GRK5: variants seen among roughly 807,000 people sequenced by gnomAD.
GRK5 encodes G protein-coupled receptor kinase 5.
Under a neutral mutation model 78.4 loss-of-function variants are expected in GRK5, and 40 were observed. The observed-to-expected ratio is 0.51, with a 90% CI of 0.40 to 0.66. The LOEUF (loss-of-function observed/expected upper bound fraction) is 0.66, where lower values mean the gene tolerates loss of function less well. Among genes scored for constraint, GRK5 ranks in the 30% least tolerant of loss-of-function variants. The probability of loss-of-function intolerance (pLI) is 0.00; values close to 1 mark genes in which losing one functional copy is unlikely to be tolerated. For missense variants in GRK5, 598 were observed against 759.9 expected (o/e 0.79, Z 2.50); for synonymous variants, 289 against 296.8 (o/e 0.97, Z 0.27).
intron 1 of GRK5, among the ~76,000 whole-genome samples, chr10:119,261,919 A>AGGGAGAGGGAGACCATG (rs1476761745): frequency 1.3e-4 from 15 of 111,796 alleles, no homozygotes; most frequent in African/African-American, 2.3e-4. Context: ...CCATGGGGAG[A>AGGGAGAGGGAGACCATG]GGGAGAGGGA....
chr10:119,332,067 A>G (rs1850789612), intron 2 of GRK5, among the ~76,000 whole-genome samples: 1 of 151,750 alleles, frequency 6.6e-6, no homozygotes, highest in African/African-American at 2.4e-5. Context: ...TTAATACTTT[A>G]TAAGGTCTAA....
intron 1 of GRK5, among the ~76,000 whole-genome samples, chr10:119,291,651 C>T (rs1849962714): frequency 2.0e-5 from 3 of 147,866 alleles, no homozygotes; most frequent in Admixed American, 6.7e-5. Context: ...CTTCCTCCTC[C>T]TCTTCCTCCT....
Position 119,444,137 on chromosome 10 carries a change from C to T in GRK5, c.1266+385C>T, listed in dbSNP as rs560255910. Among the ~76,000 whole-genome samples, 150 of 152,218 alleles carry T rather than the reference C, an allele frequency of 9.9e-4. 1 individual carries two copies. In the Middle Eastern group the frequency reaches 0.01, roughly 10 times the overall value. On this transcript the variant is annotated intron_variant, in intron 12 of 15. Coordinates refer to ENST00000392870, the MANE Select transcript of GRK5 (RefSeq NM_005308.3). ...GGCCCCTGCCCGTGGGCCTCCTGCTCCCTCCACCTCTGGATCCTAAGGTGT... is the reference window on the plus strand; with the variant it reads ...GGCCCCTGCCCGTGGGCCTCCTGCTTCCTCCACCTCTGGATCCTAAGGTGT...
chr10:119,449,113 C>T (rs1853220558), intron 13 of GRK5, among the ~76,000 whole-genome samples: 2 of 152,262 alleles, frequency 1.3e-5, no homozygotes, highest in South Asian at 4.1e-4. Flanking sequence ...CGAATGACTG[C>T]ATCTCCAGAG....
At position 119,217,232 on chromosome 10, in the gene GRK5, G is replaced by A. The variant is rs1848589281; in HGVS notation, c.52+9263G>A. Among the ~76,000 whole-genome samples the A allele has an allele frequency of 6.6e-6, 1 of 152,188 alleles. No homozygotes were observed. Among genetic ancestry groups the A allele is most frequent in the Non-Finnish European group, 1.5e-5 (1 of 68,024 alleles). ...GGGGCAAATTGGGAATATAATTTCT[G>A]TCTCAGACCGTGATTTCAGCTGAGG... On this transcript the variant is annotated intron_variant, in intron 1 of 15. Coordinates refer to ENST00000392870, the MANE Select transcript of GRK5 (RefSeq NM_005308.3). This position sits in a 1 kb window ranked among gnomAD's most constrained non-coding sequence, Gnocchi z 4.1.
intron 6 of GRK5, among the ~76,000 whole-genome samples, chr10:119,425,593 G>A (rs1852662763): frequency 6.6e-6 from 1 of 152,240 alleles, no homozygotes; most frequent in Admixed American, 6.5e-5. Context: ...CGTGAGTGCT[G>A]TTAAGCTGCT....
At chr10:119,270,395 C>A (rs945928921) in intron 1 of GRK5, among the ~76,000 whole-genome samples, 5 of 152,218 alleles carry the variant, frequency 3.3e-5, no homozygotes, top group Non-Finnish European at 7.3e-5. Context: ...CTAAACAATA[C>A]GTTATAGCAA....
At chr10:119,401,226 C>T (rs986400632) in intron 4 of GRK5, among the ~76,000 whole-genome samples, 2 of 152,204 alleles carry the variant, frequency 1.3e-5, no homozygotes, top group African/African-American at 2.4e-5. Flanking sequence ...GGATAGAAAG[C>T]CCCTGCCTAA....
chr10:119,311,003 A>C (rs1402744108), intron 1 of GRK5, among the ~76,000 whole-genome samples: 2 of 152,128 alleles, frequency 1.3e-5, no homozygotes, highest in Non-Finnish European at 2.9e-5. Context: ...AGACAGAGTG[A>C]GATGGGAAGA....
At position 119,267,512 on chromosome 10, in the gene GRK5, G is replaced by A. The variant is rs1157587255; in HGVS notation, c.53-59004G>A. On this transcript the variant is annotated intron_variant, in intron 1 of 15. Coordinates refer to ENST00000392870, the MANE Select transcript of GRK5 (RefSeq NM_005308.3). The surrounding 1 kb of genome is among the most constrained non-coding windows in gnomAD (Gnocchi z 4.1). ...AGACTCCTCACCGTGGCCAGGCAAGGGATTCCCACCCTGGGTTGGGCAGCC... is the reference window on the plus strand; with the variant it reads ...AGACTCCTCACCGTGGCCAGGCAAGAGATTCCCACCCTGGGTTGGGCAGCC... Among the ~76,000 whole-genome samples the A allele has an allele frequency of 2.0e-5, 3 of 152,330 alleles. No homozygotes were observed. In the East Asian group the frequency reaches 5.8e-4, roughly 29 times the overall value.
At chr10:119,448,074 CAGG>C in intron 12 of GRK5, 46 bp from the exon 13 acceptor site, 1 of 1,490,092 alleles carries the variant, frequency 6.7e-7, no homozygotes, top group Non-Finnish European at 8.9e-7. Flanking sequence ...GAGGTCCGGA[CAGG>C]AGGAGAGGCC....
chr10:119,283,523 C>T lies in GRK5; in HGVS notation c.53-42993C>T, dbSNP rs557366009. ...TCCTGAGGCCTTGAGTTCCAGGCTTCAGGAACGCCTGCCCGTGCCCGGGCT... is the reference window on the plus strand; with the variant it reads ...TCCTGAGGCCTTGAGTTCCAGGCTTTAGGAACGCCTGCCCGTGCCCGGGCT... On this transcript the variant is annotated intron_variant, in intron 1 of 15. Coordinates refer to ENST00000392870, the MANE Select transcript of GRK5 (RefSeq NM_005308.3). Among the ~76,000 whole-genome samples the T allele has an allele frequency of 9.8e-5, 15 of 152,356 alleles. 2 individuals carry two copies. In the South Asian group the frequency reaches 3.1e-3, roughly 32 times the overall value.
chr10:119,399,240 G>A (rs1852108097), intron 4 of GRK5, among the ~76,000 whole-genome samples: 1 of 152,224 alleles, frequency 6.6e-6, no homozygotes, highest in Non-Finnish European at 1.5e-5. Flanking sequence ...CAGGGGAGGT[G>A]GTTGATCCAT....
chr10:119,394,275 CG>C (rs1851964034), intron 3 of GRK5, among the ~76,000 whole-genome samples: 2 of 19,158 alleles, frequency 1.0e-4, no homozygotes, highest in Admixed American at 9.3e-4. Flanking sequence ...TGTGTGTGGG[CG>C]TGTGTGTGGG....
In GRK5 at chr10:119,430,664, G is replaced by C. The variant is rs1435408072; in HGVS notation, c.597+226G>C. ...GGAGCTGGGCAGGTGAGACAGACGT[G>C]CTCTCCTGCCAGCCTCAGGCAGGAT... On this transcript the variant is annotated intron_variant, in intron 7 of 15. Coordinates refer to ENST00000392870, the MANE Select transcript of GRK5 (RefSeq NM_005308.3). This position sits in a 1 kb window ranked among gnomAD's most constrained non-coding sequence, Gnocchi z 4.5. Among the ~76,000 whole-genome samples the C allele has an allele frequency of 6.6e-6, 1 of 152,046 alleles. No individual in the cohort carries two copies. Among genetic ancestry groups the C allele is most frequent in the Admixed American group, 6.6e-5 (1 of 15,266 alleles).
intron 1 of GRK5, among the ~76,000 whole-genome samples, chr10:119,323,613 G>C (rs11198879): frequency 0.038 from 5,818 of 152,320 alleles, 221 homozygotes; most frequent in East Asian, 0.21. Context: ...GGCAGCTGCT[G>C]CCCAGCTCCG....
chr10:119,332,859 G>A (rs1850806801), intron 2 of GRK5, among the ~76,000 whole-genome samples: 1 of 152,190 alleles, frequency 6.6e-6, no homozygotes, highest in Admixed American at 6.5e-5. Flanking sequence ...TAAGGTCTCA[G>A]TCCAAATATC....
intron 13 of GRK5, among the ~76,000 whole-genome samples, chr10:119,449,841 G>A (rs1853239787): frequency 6.6e-6 from 1 of 152,216 alleles, no homozygotes; most frequent in African/African-American, 2.4e-5. Context: ...CTGCAGATGA[G>A]CTTGAGCAGG....
rs573114058 is a variant in GRK5 at position 119,455,388 on chromosome 10, T to G, written c.*321T>G. ...GAACTGAATTTTGTCTTTATGATTT[T>G]TAAAGAAAAGTTTTGTAAATTTCTC... On this transcript the variant is annotated 3_prime_UTR_variant, in exon 16 of 16. Transcript: ENST00000392870. The G allele has an allele frequency of 3.1e-4, 159 of 508,976 alleles. 1 individual carries two copies. The highest frequency in any genetic ancestry group is 7.8e-4 in the Admixed American group (24 of 30,918). 31.5% of individuals were successfully genotyped at this position (508,976 alleles called of 1,614,324 possible).
Sources: gnomAD v4.1 joint callset for allele counts (sites outside exome capture counted in the v4.1 genomes callset) on GRCh38, gnomAD v4.1.1 for gene constraint, Gnocchi (gnomAD v3.1) non-coding constraint, MANE v1.5 for transcripts, NCBI Gene and HGNC (gene_info 2026-07-23, HGNC 2026-07-21) for gene names.